Variants in LGSN observed in about 807,000 individuals in gnomAD.
LGSN encodes lengsin, lens protein with glutamine synthetase domain, also known as lengsin.
In LGSN, 21 loss-of-function variants were observed where a neutral mutation model predicts 19.5. The ratio of observed to expected loss-of-function variants is 1.07; its 90% CI spans 0.76 to 1.55. The LOEUF (loss-of-function observed/expected upper bound fraction) is 1.55. LGSN is among the 40% of genes most tolerant of loss of function. The pLI is 0.00. For missense variants in LGSN, 673 were observed against 608.5 expected (o/e 1.11, Z -1.12); for synonymous variants, 257 against 215.6 (o/e 1.19, Z -1.68).
chr6:63,454,030 C>A, the LGSN span, among the ~76,000 whole-genome samples: 1 of 152,156 alleles, frequency 6.6e-6, no homozygotes, highest in Non-Finnish European at 1.5e-5. Context: ...TGTAGGAAAA[C>A]TGATACAGAG....
the LGSN span, among the ~76,000 whole-genome samples, chr6:63,414,872 G>T: frequency 6.6e-6 from 1 of 151,612 alleles, no homozygotes; most frequent in African/African-American, 2.4e-5. Flanking sequence ...CCAAGGTTAT[G>T]CCACTACACT....
At chr6:63,395,760 G>C in the LGSN span, 1 of 145,420 alleles carries the variant, frequency 6.9e-6, no homozygotes, top group Non-Finnish European at 1.5e-5. Context: ...GGACTATCTG[G>C]ACAATATCAA....
the LGSN span, among the ~76,000 whole-genome samples, chr6:63,433,557 T>G: frequency 6.6e-6 from 1 of 152,228 alleles, no homozygotes. Flanking sequence ...TGAACTAGTA[T>G]TCAATGTGTC....
chr6:63,521,826 G>A, the LGSN span: 1 of 152,104 alleles, frequency 6.6e-6, no homozygotes, highest in African/African-American at 2.4e-5. Flanking sequence ...CTCTTAAACA[G>A]GTAATTCTAA....
rs778055480 is a variant in LGSN at position 63,281,090 on chromosome 6, G to A, written c.461C>T (p.Ser154Leu). ...NSDIVLMPEL[S>L]TFRVLPWADR... Reference sequence around the variant, plus strand: ...AGCCCATGGCAAAACTCTAAAGGTTGATAACTCTGGCATTAGGACTATGTC... The same window carrying A: ...AGCCCATGGCAAAACTCTAAAGGTTAATAACTCTGGCATTAGGACTATGTC... Residue 154 changes from serine (S) to leucine (L), a missense_variant, in exon 4 of 4, where the codon TCA becomes TTA. By Grantham distance (145) the Ser-to-Leu change is moderately radical (BLOSUM62 -2). Transcript: ENST00000370657. 2 of 1,613,890 alleles carry A rather than the reference G, an allele frequency of 1.2e-6. No individual in the cohort carries two copies. The highest frequency in any genetic ancestry group is 1.7e-6 in the Non-Finnish European group (2 of 1,179,974).
At chr6:63,512,898 T>G in the LGSN span, among the ~76,000 whole-genome samples, 1 of 152,220 alleles carries the variant, frequency 6.6e-6, no homozygotes, top group Non-Finnish European at 1.5e-5. Flanking sequence ...TGATCACTTA[T>G]TACACGTTGG....
chr6:63,444,388 G>C, the LGSN span, among the ~76,000 whole-genome samples: 2 of 152,136 alleles, frequency 1.3e-5, no homozygotes, highest in Non-Finnish European at 2.9e-5. Context: ...TTCCCAATGT[G>C]TGATAGACTA....
the LGSN span, among the ~76,000 whole-genome samples, chr6:63,334,125 C>T: frequency 6.6e-6 from 1 of 152,028 alleles, no homozygotes; most frequent in Non-Finnish European, 1.5e-5. Flanking sequence ...CTAGCCAGAG[C>T]ATCAGTCAAA....
At chr6:63,389,550 T>C in the LGSN span, among the ~76,000 whole-genome samples, 1 of 152,208 alleles carries the variant, frequency 6.6e-6, no homozygotes. Flanking sequence ...GAAGGAACTG[T>C]GTTTAACCTT....
chr6:63,467,891 C>T, the LGSN span, among the ~76,000 whole-genome samples: 1 of 151,998 alleles, frequency 6.6e-6, no homozygotes, highest in African/African-American at 2.4e-5. Flanking sequence ...GGCGTCTCAC[C>T]ATGTTGGCCA....
At chr6:63,556,897 T>C in the LGSN span, among the ~76,000 whole-genome samples, 1 of 152,228 alleles carries the variant, frequency 6.6e-6, no homozygotes, top group Non-Finnish European at 1.5e-5. Flanking sequence ...ATTATCATCA[T>C]CACTTCTTGA....
chr6:63,443,686 T>TTTGATGATGG, the LGSN span: 1 of 401,866 alleles, frequency 2.5e-6, no homozygotes, highest in Non-Finnish European at 3.6e-6. Flanking sequence ...CTACCTGCCA[T>TTTGATGATGG]CATCAAATGG....
At chr6:63,564,696 C>T in the LGSN span, among the ~76,000 whole-genome samples, 2 of 152,234 alleles carry the variant, frequency 1.3e-5, no homozygotes, top group Non-Finnish European at 2.9e-5. Context: ...CTTTCCTAAG[C>T]TATTTTTGCC....
chr6:63,349,012 A>G, the LGSN span, among the ~76,000 whole-genome samples: 1 of 152,312 alleles, frequency 6.6e-6, no homozygotes, highest in East Asian at 1.9e-4. Context: ...TTGTTCCTGT[A>G]AAGTTGAAGA....
the LGSN span, among the ~76,000 whole-genome samples, chr6:63,414,408 T>C: frequency 2.0e-5 from 3 of 152,182 alleles, no homozygotes; most frequent in African/African-American, 7.2e-5. Context: ...TCATAATGTA[T>C]ATAATATTGT....
intron 1 of LGSN, among the ~76,000 whole-genome samples, chr6:63,306,573 A>T (rs1214943322): frequency 6.6e-6 from 1 of 152,246 alleles, no homozygotes; most frequent in African/African-American, 2.4e-5. Context: ...AACATAAAAC[A>T]TGATTCACAA....
the LGSN span, among the ~76,000 whole-genome samples, chr6:63,376,514 C>A: frequency 6.6e-6 from 1 of 152,180 alleles, no homozygotes; most frequent in East Asian, 1.9e-4. Context: ...TGCTCAGATT[C>A]AATATTCTGC....
chr6:63,327,887 G>T, the LGSN span, among the ~76,000 whole-genome samples: 1 of 151,870 alleles, frequency 6.6e-6, no homozygotes, highest in African/African-American at 2.4e-5. Flanking sequence ...TTCCCATTTT[G>T]ATGGCTTTGG....
chr6:63,525,382 G>C, the LGSN span, among the ~76,000 whole-genome samples: 1 of 152,182 alleles, frequency 6.6e-6, no homozygotes, highest in Non-Finnish European at 1.5e-5. Flanking sequence ...GAACAGACGG[G>C]AGGAAGGAGG....
Sources: allele counts gnomAD v4.1 joint callset (sites outside exome capture counted in the v4.1 genomes callset), GRCh38; gene constraint gnomAD v4.1.1; transcripts MANE v1.5; gene names NCBI Gene and HGNC (gene_info 2026-07-23, HGNC 2026-07-21).